The following MSN variants were observed in gnomAD, a reference collection of about 807,000 sequenced individuals.
MSN encodes moesin.
Under a neutral mutation model 48.0 loss-of-function variants are expected in MSN, and 2 were observed. That is an observed-to-expected ratio of 0.04 (90% CI 0.02 to 0.13). The LOEUF is 0.13. Ranked by LOEUF, MSN falls within the 10% of genes least tolerant of loss-of-function variation. The pLI is 1.00. For missense variants in MSN, 267 were observed against 470.1 expected (o/e 0.57, Z 3.99); for synonymous variants, 146 against 166.9 (o/e 0.87, Z 0.97).
intron 1 of MSN, among the ~76,000 whole-genome samples, chrX:65,660,247 C>T (rs750528704): frequency 8.9e-6 from 1 of 111,738 alleles, no homozygotes; most frequent in South Asian, 3.7e-4. Flanking sequence ...CTGGCTCTAG[C>T]CCTCAAAATT....
At chrX:65,630,708 C>T (rs745994907) in intron 1 of MSN, among the ~76,000 whole-genome samples, 1 of 111,824 alleles carries the variant, frequency 8.9e-6, no homozygotes, top group Non-Finnish European at 1.9e-5. Flanking sequence ...AGTCTACTTT[C>T]TATCTCTATG....
At chrX:65,707,343 T>A (rs1393344501) in intron 1 of MSN, among the ~76,000 whole-genome samples, 1 of 111,227 alleles carries the variant, frequency 9.0e-6, no homozygotes, top group Admixed American at 9.6e-5. Flanking sequence ...GTGGGCTTAT[T>A]GTTCTTGGGC....
In MSN at chrX:65,667,779, G is replaced by C; in HGVS notation, c.-63G>C. 3 of 1,206,263 alleles carry C rather than the reference G, an allele frequency of 2.5e-6. No homozygotes were observed. The highest frequency in any genetic ancestry group is 2.2e-6 in the Non-Finnish European group (2 of 892,973). On this transcript the variant is annotated 5_prime_UTR_variant, in exon 1 of 13. Coordinates refer to ENST00000360270, the MANE Select transcript of MSN (RefSeq NM_002444.3). ...GCCGAATCCAAGCCGTGTGTACTGC[G>C]TGCTCAGCACTGCCCGACAGTCCTA...
At chrX:65,666,969 T>A (rs1336055237), upstream of MSN, among the ~76,000 whole-genome samples, 4 of 111,436 alleles carry the variant, frequency 3.6e-5, no homozygotes, top group Admixed American at 1.9e-4. Flanking sequence ...AAGGATCAGG[T>A]CACTGATTTG....
intron 1 of MSN, among the ~76,000 whole-genome samples, chrX:65,594,266 A>G (rs2070170395): frequency 8.9e-6 from 1 of 111,931 alleles, no homozygotes; most frequent in Non-Finnish European, 1.9e-5. Context: ...AAGTAGTGGC[A>G]GAACTGGGAG....
chrX:65,621,989 T>C (rs763327000), intron 1 of MSN, among the ~76,000 whole-genome samples: 2 of 112,158 alleles, frequency 1.8e-5, no homozygotes, highest in African/African-American at 3.2e-5. Context: ...TTTGGCTGAA[T>C]TTGATTATTA....
At chrX:65,732,967 A>C (rs2071637497) in intron 6 of MSN, among the ~76,000 whole-genome samples, 1 of 111,141 alleles carries the variant, frequency 9.0e-6, no homozygotes, top group Non-Finnish European at 1.9e-5. Flanking sequence ...CTGTAATCCC[A>C]GCACTTTGGG....
At chrX:65,620,735 C>T (rs1164181121) in intron 1 of MSN, among the ~76,000 whole-genome samples, 2 of 111,585 alleles carry the variant, frequency 1.8e-5, no homozygotes, top group Non-Finnish European at 3.8e-5. Flanking sequence ...GCTCCTCCTC[C>T]TCCATGATGT....
intron 1 of MSN, among the ~76,000 whole-genome samples, chrX:65,612,944 C>T (rs926578165): frequency 8.3e-5 from 9 of 108,420 alleles, no homozygotes; most frequent in Non-Finnish European, 1.5e-4. Flanking sequence ...AGGTTTGTTA[C>T]GTAGATATAC....
chrX:65,626,826 C>T (rs2070510658), intron 1 of MSN, among the ~76,000 whole-genome samples: 1 of 110,881 alleles, frequency 9.0e-6, no homozygotes, highest in African/African-American at 3.3e-5. Context: ...AAACAAGTGC[C>T]TGTGTCAGTC....
At chrX:65,688,244 A>T (rs1221033487) in intron 1 of MSN, among the ~76,000 whole-genome samples, 1 of 111,827 alleles carries the variant, frequency 8.9e-6, no homozygotes, top group Non-Finnish European at 1.9e-5. Flanking sequence ...ATCTTTTTTA[A>T]AATTATTTTT....
intron 1 of MSN, among the ~76,000 whole-genome samples, chrX:65,641,318 T>A: frequency 9.6e-6 from 1 of 104,411 alleles, no homozygotes; most frequent in East Asian, 3.1e-4. Flanking sequence ...TCACTTGAGG[T>A]CAGGAGTTTG....
At chrX:65,599,967 C>A (rs951410246) in intron 1 of MSN, among the ~76,000 whole-genome samples, 2 of 109,339 alleles carry the variant, frequency 1.8e-5, no homozygotes, top group African/African-American at 6.7e-5. Flanking sequence ...AAGATACTGA[C>A]ATCAGGGAGC....
At chrX:65,649,655 ATG>A (rs1049360559) in intron 1 of MSN, among the ~76,000 whole-genome samples, 1 of 103,077 alleles carries the variant, frequency 9.7e-6, no homozygotes, top group South Asian at 4.3e-4. Context: ...GTGTGTGTAT[ATG>A]TGTGTGTGTG....
chrX:65,665,443 A>G, upstream of MSN, among the ~76,000 whole-genome samples: 1 of 112,009 alleles, frequency 8.9e-6, no homozygotes, highest in Non-Finnish European at 1.9e-5. Context: ...TGCTCTTTGA[A>G]CAAATGCTTA....
chrX:65,589,607 G>C (rs2070128347), intron 1 of MSN: 1 of 112,705 alleles, frequency 8.9e-6, no homozygotes, highest in South Asian at 3.7e-4. Context: ...GAAGGCAGGA[G>C]GGTCATGTCC....
At chrX:65,733,383 T>C in intron 7 of MSN, 103 bp downstream of exon 7, 1 of 631,626 alleles carries the variant, frequency 1.6e-6, no homozygotes, top group Non-Finnish European at 2.6e-6. Context: ...TGTGTTTGTG[T>C]GTACGTGTGT....
In MSN at chrX:65,640,896, G is replaced by C. The variant is rs758978275; in HGVS notation, c.-22+52284G>C. Among the ~76,000 whole-genome samples the C allele has an allele frequency of 2.2e-3, 241 of 111,508 alleles. 3 individuals are homozygous for C. Among genetic ancestry groups the C allele is most frequent in the African/African-American group, 7.7e-3 (237 of 30,712 alleles). ...GGCCGAGGTGGGCAGATTGCTTGAG[G>C]CCAGGAGTCCCAGATCAGCCTGGGC... On this transcript the variant is annotated intron_variant, in intron 1 of 3. Transcript: ENST00000609672.
intron 1 of MSN, among the ~76,000 whole-genome samples, chrX:65,638,243 G>T (rs984116676): frequency 8.9e-6 from 1 of 112,326 alleles, no homozygotes; most frequent in African/African-American, 3.2e-5. Flanking sequence ...TTCTGTACAT[G>T]CTGGTCCCTC....
Sources: gnomAD v4.1 joint callset for allele counts (sites outside exome capture counted in the v4.1 genomes callset) on GRCh38, gnomAD v4.1.1 for gene constraint, MANE v1.5 for transcripts, NCBI Gene and HGNC (gene_info 2026-07-23, HGNC 2026-07-21) for gene names.